The following RAB3C variants were observed in gnomAD, a reference collection of about 807,000 sequenced individuals.
RAB3C encodes the protein RAB3C, member RAS oncogene family, also known as ras-related protein Rab-3C.
A neutral mutation model predicts 26.4 loss-of-function variants in RAB3C; 17 were observed. That is an observed-to-expected ratio of 0.64 (90% CI 0.44 to 0.97). The LOEUF is 0.97. Ranked by LOEUF, RAB3C falls within the 50% of genes least tolerant of loss-of-function variation. RAB3C has a pLI of 0.00. For synonymous variants in RAB3C, 91 were observed against 95.9 expected, an observed-to-expected ratio of 0.95 and a Z score of 0.30; for missense variants, 242 against 281.9, an observed-to-expected ratio of 0.86 and a Z score of 1.01.
chr5:58,719,840 G>A (rs1425183022), intron 2 of RAB3C, among the ~76,000 whole-genome samples: 3 of 151,850 alleles, frequency 2.0e-5, no homozygotes, highest in Admixed American at 2.0e-4. Flanking sequence ...TACTGCTTGG[G>A]TGATGGGTAC....
chr5:58,659,381 A>G (rs1352160956), intron 2 of RAB3C, among the ~76,000 whole-genome samples: 29 of 152,196 alleles, frequency 1.9e-4, no homozygotes, highest in Non-Finnish European at 4.4e-5. Flanking sequence ...TGCCTGGCAC[A>G]CAATAAACTC....
At chr5:58,668,101 C>T (rs1748037930) in intron 2 of RAB3C, among the ~76,000 whole-genome samples, 1 of 152,122 alleles carries the variant, frequency 6.6e-6, no homozygotes. Flanking sequence ...TATAACATAG[C>T]TTACCCATGC....
At chr5:58,632,332 G>A (rs1038228975) in intron 2 of RAB3C, among the ~76,000 whole-genome samples, 17 of 152,130 alleles carry the variant, frequency 1.1e-4, no homozygotes, top group Non-Finnish European at 1.5e-4. Flanking sequence ...GTCCCTTGTC[G>A]GAATCACTTG....
intron 2 of RAB3C, among the ~76,000 whole-genome samples, chr5:58,652,514 C>A (rs1028169268): frequency 6.6e-6 from 1 of 151,090 alleles, no homozygotes; most frequent in African/African-American, 2.4e-5. Flanking sequence ...ACTGTACAGT[C>A]AGAAGTATTA....
intron 2 of RAB3C, among the ~76,000 whole-genome samples, chr5:58,660,039 AAGC>A (rs1193151765): frequency 0.021 from 3,199 of 150,802 alleles, 253 homozygotes; most frequent in African/African-American, 0.075. Flanking sequence ...TCTTGAACTC[AAGC>A]AATCCGCCCG....
At chr5:58,797,562 C>T (rs1378808300) in intron 3 of RAB3C, among the ~76,000 whole-genome samples, 1 of 151,720 alleles carries the variant, frequency 6.6e-6, no homozygotes, top group Non-Finnish European at 1.5e-5. Flanking sequence ...TCCTCCTTCC[C>T]TCCATAGAGA....
chr5:58,669,557 G>T (rs1748070554), intron 2 of RAB3C, among the ~76,000 whole-genome samples: 3 of 152,176 alleles, frequency 2.0e-5, no homozygotes, highest in African/African-American at 7.2e-5. Context: ...CTCCTTAGAG[G>T]CAGTAGACAG....
chr5:58,616,617 T>C (rs928162680), intron 1 of RAB3C, among the ~76,000 whole-genome samples: 5 of 152,220 alleles, frequency 3.3e-5, no homozygotes, highest in Admixed American at 6.6e-5. Flanking sequence ...TTATGCTAGA[T>C]GCTTTACATA....
intron 4 of RAB3C, among the ~76,000 whole-genome samples, chr5:58,833,906 GAAGA>G (rs1248396898): frequency 6.6e-6 from 1 of 152,126 alleles, no homozygotes; most frequent in Non-Finnish European, 1.5e-5. Context: ...GGCTCTTTAG[GAAGA>G]AAAAGACAAC....
At chr5:58,583,531 C>CGT (rs1304886100) in intron 1 of RAB3C, among the ~76,000 whole-genome samples, 3 of 152,088 alleles carry the variant, frequency 2.0e-5, no homozygotes, top group African/African-American at 7.2e-5. Flanking sequence ...CATGCAATCT[C>CGT]GTGTTGGCAT....
chr5:58,720,553 A>G (rs908904704), intron 2 of RAB3C, among the ~76,000 whole-genome samples: 1 of 151,896 alleles, frequency 6.6e-6, no homozygotes, highest in Non-Finnish European at 1.5e-5. Context: ...CTTTATGTCC[A>G]TTTGGAAACT....
chr5:58,782,572 G>A (rs1049311138), intron 3 of RAB3C, among the ~76,000 whole-genome samples: 1 of 152,020 alleles, frequency 6.6e-6, no homozygotes, highest in African/African-American at 2.4e-5. Flanking sequence ...TTCCTTTTTA[G>A]TGACTGCTAA....
intron 3 of RAB3C, among the ~76,000 whole-genome samples, chr5:58,807,666 GT>G (rs1201986368): frequency 6.6e-6 from 1 of 152,014 alleles, no homozygotes; most frequent in African/African-American, 2.4e-5. Context: ...AACTACAATG[GT>G]GGGGGGGCAA....
At chr5:58,823,153 T>C in intron 3 of RAB3C, 2 of 370,114 alleles carry the variant, frequency 5.4e-6, no homozygotes, top group Non-Finnish European at 1.0e-5. Context: ...TGGAAGCAGA[T>C]GAAGATGCTT....
chr5:58,630,456 G>A (rs968793881), intron 2 of RAB3C, among the ~76,000 whole-genome samples: 1 of 152,136 alleles, frequency 6.6e-6, no homozygotes, highest in African/African-American at 2.4e-5. Context: ...TAAACCCATT[G>A]TATGTACACA....
At position 58,814,564 on chromosome 5, in the gene RAB3C, TA is replaced by T. The variant is rs766057042; in HGVS notation, c.372-10472del. On this transcript the variant is annotated intron_variant, in intron 3 of 4. Coordinates refer to ENST00000282878, the MANE Select transcript of RAB3C (RefSeq NM_138453.4). The stretch of plus-strand genomic sequence containing the variant: ...CCCCCAGGACAATATAAATCTTGTC[TA>T]ATTTGAGAGAAGGATATTTATTTCT... 5.9e-5 allele frequency: 9 copies of T among 152,314 alleles called. No homozygotes were observed. The South Asian group carries it at 1.0e-3, about 18-fold the overall frequency. 9.4% of individuals were successfully genotyped at this position (152,314 alleles called of 1,614,324 possible).
chr5:58,795,305 G>A (rs1415633512), intron 3 of RAB3C, among the ~76,000 whole-genome samples: 2 of 152,132 alleles, frequency 1.3e-5, no homozygotes, highest in Non-Finnish European at 2.9e-5. Context: ...GTCTTTATTA[G>A]CAGTATAAGA....
intron 3 of RAB3C, among the ~76,000 whole-genome samples, chr5:58,804,136 G>T (rs1742880056): frequency 1.3e-5 from 2 of 151,826 alleles, no homozygotes; most frequent in African/African-American, 4.8e-5. Flanking sequence ...CCCTTTATCT[G>T]TAGGTAGATT....
chr5:58,713,895 G>A (rs1398719343), intron 2 of RAB3C, among the ~76,000 whole-genome samples: 1 of 152,160 alleles, frequency 6.6e-6, no homozygotes, highest in Non-Finnish European at 1.5e-5. Context: ...TTTTTAAAAT[G>A]AGGTTAAAGT....
Sources: gnomAD v4.1 joint callset for allele counts (sites outside exome capture counted in the v4.1 genomes callset) on GRCh38, gnomAD v4.1.1 for gene constraint, MANE v1.5 for transcripts, NCBI Gene and HGNC (gene_info 2026-07-23, HGNC 2026-07-21) for gene names.